The following MED12L variants were observed in gnomAD, a reference collection of about 807,000 sequenced individuals.
MED12L encodes the protein mediator complex subunit 12L.
MED12L carries 60 observed loss-of-function variants against 281.3 expected under a neutral mutation model. The observed-to-expected ratio is 0.21, with a 90% CI of 0.17 to 0.26. The LOEUF is 0.26. Ranked by LOEUF, MED12L falls within the 10% of genes least tolerant of loss-of-function variation. MED12L has a pLI of 1.00. For missense variants in MED12L, 2,146 were observed against 2,680.9 expected (o/e 0.80, Z 4.41); for synonymous variants, 974 against 987.2 (o/e 0.99, Z 0.25).
chr3:151,223,398 T>A (rs9831242), intron 16 of MED12L, among the ~76,000 whole-genome samples: 20,091 of 152,212 alleles, frequency 0.13, 1,442 homozygotes, highest in Middle Eastern at 0.17. Context: ...TTCACATGTT[T>A]ATTGTAGTAC....
chr3:151,117,721 A>T (rs1211211593), intron 3 of MED12L, among the ~76,000 whole-genome samples: 1 of 152,072 alleles, frequency 6.6e-6, no homozygotes, highest in Non-Finnish European at 1.5e-5. Context: ...ACTCTCATTA[A>T]AAGTGTATAC....
intron 22 of MED12L, among the ~76,000 whole-genome samples, chr3:151,365,613 A>G (rs1755176975): frequency 6.6e-6 from 1 of 152,192 alleles, no homozygotes; most frequent in Non-Finnish European, 1.5e-5. Flanking sequence ...AAATATTCTA[A>G]TTCGTGTATG....
chr3:151,349,852 CTTTTT>C (rs112308445), intron 16 of MED12L, among the ~76,000 whole-genome samples: 2 of 139,690 alleles, frequency 1.4e-5, no homozygotes, highest in African/African-American at 5.3e-5. Context: ...TCAGTTGACA[CTTTTT>C]TTTTTTTTTT....
At chr3:151,132,625 A>G (rs1053703933) in intron 5 of MED12L, among the ~76,000 whole-genome samples, 3 of 152,186 alleles carry the variant, frequency 2.0e-5, no homozygotes, top group Non-Finnish European at 4.4e-5. Context: ...CAAAGTTACT[A>G]TTCTACCCTT....
chr3:151,240,747 T>G (rs1167724924), intron 16 of MED12L, among the ~76,000 whole-genome samples: 3 of 152,270 alleles, frequency 2.0e-5, no homozygotes, highest in Admixed American at 6.5e-5. Context: ...ACCAGTTTTG[T>G]GCACTCTTGC....
At chr3:151,411,195 TGTTTTTGCCCCATATATC>T in intron 40 of MED12L, 65 bp from the exon 41 acceptor site, 2 of 1,181,960 alleles carry the variant, frequency 1.7e-6, no homozygotes, top group Non-Finnish European at 2.5e-6. Flanking sequence ...CTCATGGGTT[TGTTTTTGCCCCATATATC>T]GTAGTGATGG....
intron 4 of MED12L, among the ~76,000 whole-genome samples, chr3:151,126,636 C>G (rs923113258): frequency 6.6e-6 from 1 of 152,140 alleles, no homozygotes. Flanking sequence ...TTGATTTTCA[C>G]AAAATCAAGT....
intron 43 of MED12L, among the ~76,000 whole-genome samples, chr3:151,427,416 C>T (rs1379573682): frequency 1.3e-5 from 2 of 152,166 alleles, no homozygotes; most frequent in South Asian, 2.1e-4. Flanking sequence ...AACACACACA[C>T]GCATACATGT....
intron 14 of MED12L, among the ~76,000 whole-genome samples, chr3:151,191,796 C>A (rs752294457): frequency 3.9e-5 from 6 of 152,132 alleles, no homozygotes; most frequent in Non-Finnish European, 7.3e-5. Flanking sequence ...GTCCCAGCTA[C>A]TCAGGAGGCT....
chr3:151,270,569 G>A lies in MED12L; in HGVS notation c.2250+76903G>A, dbSNP rs1028998620. Among the ~76,000 whole-genome samples the A allele has an allele frequency of 4.6e-5, 7 of 152,130 alleles. No homozygotes were observed. The East Asian group carries it at 1.4e-3, about 29-fold the overall frequency. On this transcript the variant is annotated intron_variant, in intron 16 of 44. Coordinates refer to ENST00000687756, the MANE Select transcript of MED12L (RefSeq NM_001393769.1). ...TATGCTCAGAACACTGTGTCTCTGC[G>A]TGAATATGGATAGTTAGCATTTGCC...
intron 5 of MED12L, among the ~76,000 whole-genome samples, chr3:151,137,175 A>AAAAACAAAAAAAAAAG (rs1560083586): frequency 8.1e-6 from 1 of 123,680 alleles, no homozygotes; most frequent in African/African-American, 2.6e-5. Context: ...AAAAAAAGAA[A>AAAAACAAAAAAAAAAG]AAAAAAAAAA....
At chr3:151,347,688 G>A (rs1434874944) in intron 16 of MED12L, among the ~76,000 whole-genome samples, 3 of 152,138 alleles carry the variant, frequency 2.0e-5, no homozygotes, top group Admixed American at 6.5e-5. Flanking sequence ...TGGGTGTGGG[G>A]GATGTGCAGA....
intron 2 of MED12L, among the ~76,000 whole-genome samples, chr3:151,113,644 A>T (rs2148721139): frequency 6.6e-6 from 1 of 152,356 alleles, no homozygotes; most frequent in East Asian, 1.9e-4. Flanking sequence ...TGAAATTTAG[A>T]ATGCAAAGTT....
At chr3:151,122,707 A>C (rs1297275155) in intron 3 of MED12L, 76 bp from the exon 4 acceptor site, 20 of 1,005,208 alleles carry the variant, frequency 2.0e-5, no homozygotes, top group East Asian at 2.9e-5. Flanking sequence ...GAAACAATAA[A>C]GAAAAATACT....
At chr3:151,171,894 C>T (rs1404299813) in intron 11 of MED12L, among the ~76,000 whole-genome samples, 2 of 152,194 alleles carry the variant, frequency 1.3e-5, no homozygotes, top group Non-Finnish European at 2.9e-5. Flanking sequence ...TTCTTCTCCT[C>T]ACCTTATGCA....
intron 9 of MED12L, 56 bp downstream of exon 9, chr3:151,164,098 G>T: frequency 6.3e-7 from 1 of 1,577,350 alleles, no homozygotes; most frequent in Non-Finnish European, 8.7e-7. Context: ...CAGGCATCAG[G>T]GCACAGTGGG....
chr3:151,231,433 A>G (rs1731648055), intron 16 of MED12L, among the ~76,000 whole-genome samples: 1 of 152,242 alleles, frequency 6.6e-6, no homozygotes, highest in Non-Finnish European at 1.5e-5. Context: ...AACTTACCAA[A>G]AGTGAGATAA....
intron 7 of MED12L, among the ~76,000 whole-genome samples, chr3:151,159,601 G>C (rs1198363423): frequency 1.3e-5 from 2 of 152,002 alleles, no homozygotes; most frequent in Non-Finnish European, 2.9e-5. Flanking sequence ...AATATATTGG[G>C]CTAAATAAAA....
At chr3:151,261,920 T>A (rs1738993547) in intron 16 of MED12L, among the ~76,000 whole-genome samples, 1 of 151,954 alleles carries the variant, frequency 6.6e-6, no homozygotes, top group South Asian at 2.1e-4. Context: ...AGAGACGGGG[T>A]TTCACCACGT....
Sources: gnomAD v4.1 joint callset for allele counts (sites outside exome capture counted in the v4.1 genomes callset) on GRCh38, gnomAD v4.1.1 for gene constraint, MANE v1.5 for transcripts, NCBI Gene and HGNC (gene_info 2026-07-23, HGNC 2026-07-21) for gene names.